Variants in SULT1B1 observed in about 807,000 individuals in gnomAD.
SULT1B1 encodes sulfotransferase 1B1.
In SULT1B1, 28 loss-of-function variants were observed where a neutral mutation model predicts 34.6. That is an observed-to-expected ratio of 0.81 (90% CI 0.60 to 1.11). The LOEUF is 1.11. Among genes scored for constraint, SULT1B1 ranks in the 50% least tolerant of loss-of-function variants. SULT1B1 has a pLI of 0.00. For missense variants in SULT1B1, 374 were observed against 352.2 expected (o/e 1.06, Z -0.50); for synonymous variants, 147 against 110.2 (o/e 1.33, Z -2.09).
Position 69,725,949 on chromosome 4 carries a change from C to T in SULT1B1, c.*1139G>A, listed in dbSNP as rs1342210081. 6.8e-6 allele frequency: 1 copy of T among 146,144 alleles called. No homozygotes were observed. The highest frequency in any genetic ancestry group is 7.0e-5 in the Admixed American group (1 of 14,242). 9.1% of individuals were successfully genotyped at this position (146,144 alleles called of 1,614,324 possible). On this transcript the variant is annotated 3_prime_UTR_variant, in exon 8 of 8. Transcript: ENST00000310613. ...TGACGAGTTAATGGATGCAGCACACCAACATGGCACATGTATGCATATATA... is the reference window on the plus strand; with the variant it reads ...TGACGAGTTAATGGATGCAGCACACTAACATGGCACATGTATGCATATATA...
intron 4 of SULT1B1, among the ~76,000 whole-genome samples, chr4:69,739,223 C>A (rs1001844859): frequency 2.0e-5 from 3 of 152,216 alleles, no homozygotes; most frequent in Non-Finnish European, 2.9e-5. Flanking sequence ...AGTAGGGACT[C>A]TGTGTGGGGG....
At chr4:69,748,057 A>G (rs993026028) in intron 4 of SULT1B1, among the ~76,000 whole-genome samples, 2 of 152,156 alleles carry the variant, frequency 1.3e-5, no homozygotes, top group African/African-American at 4.8e-5. Context: ...TTAAATGTAT[A>G]TAATATACAC....
intron 7 of SULT1B1, among the ~76,000 whole-genome samples, chr4:69,729,977 G>T: frequency 6.6e-6 from 1 of 152,182 alleles, no homozygotes; most frequent in East Asian, 1.9e-4. Context: ...GTTAAATTTA[G>T]ACTCTATGTT....
At chr4:69,742,793 A>G (rs1332406683) in intron 4 of SULT1B1, among the ~76,000 whole-genome samples, 1 of 152,156 alleles carries the variant, frequency 6.6e-6, no homozygotes, top group Non-Finnish European at 1.5e-5. Flanking sequence ...TGGGTGTGTG[A>G]GCAAGCCTGT....
At chr4:69,735,535 G>A (rs377108891) in intron 4 of SULT1B1, among the ~76,000 whole-genome samples, 1 of 152,140 alleles carries the variant, frequency 6.6e-6, no homozygotes, top group Non-Finnish European at 1.5e-5. Flanking sequence ...TCACAGTGAT[G>A]ACATCAGAGA....
At chr4:69,733,215 T>G (rs1421352156) in intron 6 of SULT1B1, among the ~76,000 whole-genome samples, 198 bp downstream of exon 6, 5 of 151,942 alleles carry the variant, frequency 3.3e-5, no homozygotes, top group Non-Finnish European at 5.9e-5. Context: ...GGCTAAGAAA[T>G]AAGAGGAATA....
At chr4:69,751,214 C>T (rs1442349471) in intron 3 of SULT1B1, among the ~76,000 whole-genome samples, 1 of 152,184 alleles carries the variant, frequency 6.6e-6, no homozygotes, top group Non-Finnish European at 1.5e-5. Context: ...TTGTAATCCT[C>T]CACAACTCGT....
intron 4 of SULT1B1, among the ~76,000 whole-genome samples, chr4:69,735,402 C>T (rs1718262353): frequency 1.3e-5 from 2 of 152,174 alleles, no homozygotes; most frequent in African/African-American, 4.8e-5. Flanking sequence ...TGGAGAATTC[C>T]AAACTCTGCT....
chr4:69,743,404 G>A (rs1184681381), intron 4 of SULT1B1, among the ~76,000 whole-genome samples: 1 of 152,174 alleles, frequency 6.6e-6, no homozygotes, highest in African/African-American at 2.4e-5. Flanking sequence ...CAGAGGGGAA[G>A]AAGTGCAGTC....
Position 69,754,677 on chromosome 4 carries a change from T to A in SULT1B1, c.270A>T (p.Arg90Ser), listed in dbSNP as rs1719117696. Residue 90 changes from arginine (R) to serine (S), a missense_variant, in exon 3 of 8, where the codon AGA (arginine) becomes AGT (serine). Arg to Ser is a moderately radical substitution (Grantham distance 110, BLOSUM62 -1). Transcript: ENST00000310613. ...CAAGTGGGTTAAATTTACCTGATGT[T>A]CTTAATCCAGGGAGAGTCATTTCCA... The part of the protein sequence containing the change: ...PMLEMTLPGL[R>S]TSGIEQLEKN... 6.2e-7 allele frequency: 1 copy of A among 1,612,846 alleles called. No individual in the cohort carries two copies.
intron 4 of SULT1B1, among the ~76,000 whole-genome samples, chr4:69,747,360 G>A (rs1268891289): frequency 1.3e-5 from 2 of 152,214 alleles, no homozygotes; most frequent in African/African-American, 4.8e-5. Flanking sequence ...AAAACTGGAA[G>A]TTAGGGGCTG....
intron 6 of SULT1B1, among the ~76,000 whole-genome samples, chr4:69,732,269 A>C (rs899447993): frequency 5.3e-5 from 8 of 152,316 alleles, no homozygotes; most frequent in Admixed American, 3.9e-4. Context: ...TGGAGAATGA[A>C]TACTTGGGCA....
chr4:69,734,961 G>A (rs1242733284), intron 4 of SULT1B1, among the ~76,000 whole-genome samples: 1 of 151,790 alleles, frequency 6.6e-6, no homozygotes, highest in Non-Finnish European at 1.5e-5. Flanking sequence ...TGTGACTACA[G>A]GCGCCCGCCA....
At position 69,736,299 on chromosome 4, in the gene SULT1B1, T is replaced by C. The variant is rs140542491; in HGVS notation, c.376-2035A>G. On this transcript the variant is annotated intron_variant, in intron 4 of 7. Coordinates refer to ENST00000310613, the MANE Select transcript of SULT1B1 (RefSeq NM_014465.4). Reference sequence around the variant, plus strand: ...TCTAAACCACATACTTCTAGACATGTTCTAGTGCTGAGATGGCCTCAGAGC... The same window carrying C: ...TCTAAACCACATACTTCTAGACATGCTCTAGTGCTGAGATGGCCTCAGAGC... Among the ~76,000 whole-genome samples, 520 of 152,340 alleles carry C rather than the reference T, an allele frequency of 3.4e-3. 1 individual carries two copies. Among genetic ancestry groups the C allele is most frequent in the Non-Finnish European group, 5.4e-3 (364 of 68,036 alleles).
intron 4 of SULT1B1, among the ~76,000 whole-genome samples, chr4:69,748,672 A>C (rs189549907): frequency 6.6e-6 from 1 of 152,348 alleles, no homozygotes; most frequent in Admixed American, 6.5e-5. Context: ...TCTTTGACTA[A>C]AACGGAATAA....
intron 2 of SULT1B1, 42 bp from the exon 3 acceptor site, chr4:69,754,840 G>A: frequency 3.8e-6 from 6 of 1,597,568 alleles, no homozygotes; most frequent in Non-Finnish European, 5.1e-6. Context: ...TACCCAAATT[G>A]CACGGGAGAG....
chr4:69,730,807 G>C (rs1407712033), intron 6 of SULT1B1, 126 bp from the exon 7 acceptor site: 1 of 798,148 alleles, frequency 1.3e-6, no homozygotes, highest in Non-Finnish European at 1.9e-6. Flanking sequence ...TATTTGTTTG[G>C]GTTTTTCTCA....
At chr4:69,752,923 A>T (rs1474359694) in intron 3 of SULT1B1, among the ~76,000 whole-genome samples, 2 of 152,146 alleles carry the variant, frequency 1.3e-5, no homozygotes, top group Non-Finnish European at 2.9e-5. Context: ...ATTCCCTGTT[A>T]GCTCATTTTT....
At chr4:69,742,066 A>G (rs1389737867) in intron 4 of SULT1B1, among the ~76,000 whole-genome samples, 1 of 152,160 alleles carries the variant, frequency 6.6e-6, no homozygotes, top group African/African-American at 2.4e-5. Flanking sequence ...AGTTTACTGA[A>G]GGTTTTTAAT....
Sources: gnomAD v4.1 joint callset for allele counts (sites outside exome capture counted in the v4.1 genomes callset) on GRCh38, gnomAD v4.1.1 for gene constraint, MANE v1.5 for transcripts, NCBI Gene and HGNC (gene_info 2026-07-23, HGNC 2026-07-21) for gene names.